Variants in PCDH7 observed in about 807,000 individuals in gnomAD.
PCDH7 encodes the protein protocadherin 7.
PCDH7 carries 17 observed loss-of-function variants against 58.9 expected under a neutral mutation model. That is an observed-to-expected ratio of 0.29 (90% CI 0.20 to 0.43). PCDH7 has a LOEUF of 0.43. Among genes scored for constraint, PCDH7 ranks in the 20% least tolerant of loss-of-function variants. The pLI, the probability that PCDH7 is intolerant of heterozygous loss-of-function variation, is 1.00. For synonymous variants in PCDH7, 664 were observed against 616.4 expected (o/e 1.08, Z -1.14); for missense variants, 1,274 against 1,441.0 (o/e 0.88, Z 1.88).
chr4:30,755,940 G>T (rs534358190), intron 1 of PCDH7, among the ~76,000 whole-genome samples: 10 of 152,162 alleles, frequency 6.6e-5, no homozygotes, highest in African/African-American at 1.9e-4. Flanking sequence ...TTAGCTGGGT[G>T]TGGTGGCGTG....
chr4:30,894,155 A>G (rs1738983394), intron 1 of PCDH7, among the ~76,000 whole-genome samples: 4 of 152,078 alleles, frequency 2.6e-5, no homozygotes, highest in Admixed American at 2.6e-4. Context: ...ATCTCCAGTG[A>G]AACTGTGGGA....
At chr4:30,753,212 A>G (rs1718803474) in intron 1 of PCDH7, among the ~76,000 whole-genome samples, 4 of 152,200 alleles carry the variant, frequency 2.6e-5, no homozygotes, top group Non-Finnish European at 1.5e-5. Context: ...TAACTTCTCC[A>G]TACAGAGTCT....
intron 3 of PCDH7, among the ~76,000 whole-genome samples, chr4:31,079,990 C>G (rs138552870): frequency 2.6e-5 from 4 of 152,010 alleles, no homozygotes; most frequent in Middle Eastern, 3.2e-3. Context: ...TAAGAAGTGC[C>G]GCAACCTCTC....
chr4:30,942,239 T>C (rs1746129956), intron 2 of PCDH7, among the ~76,000 whole-genome samples: 3 of 152,140 alleles, frequency 2.0e-5, no homozygotes, highest in Middle Eastern at 3.4e-3. Flanking sequence ...ATATTTTATT[T>C]ATTTTTTGCT....
At chr4:31,132,565 A>G (rs1227081139) in intron 3 of PCDH7, among the ~76,000 whole-genome samples, 1 of 152,170 alleles carries the variant, frequency 6.6e-6, no homozygotes, top group Non-Finnish European at 1.5e-5. Context: ...TTACCTAGTT[A>G]TGATGTAAAA....
intron 1 of PCDH7, among the ~76,000 whole-genome samples, chr4:30,772,814 T>G (rs1028755133): frequency 1.3e-5 from 2 of 152,258 alleles, no homozygotes; most frequent in Non-Finnish European, 2.9e-5. Context: ...CTGTAAGTTT[T>G]TAGAAAGTGT....
intron 3 of PCDH7, among the ~76,000 whole-genome samples, chr4:30,956,988 A>G (rs935414127): frequency 1.3e-5 from 2 of 152,212 alleles, no homozygotes; most frequent in Non-Finnish European, 2.9e-5. Flanking sequence ...AAAGCTTGAC[A>G]TTACAAATAT....
At chr4:30,975,143 TTGTGTGTG>T (rs35675648) in intron 3 of PCDH7, among the ~76,000 whole-genome samples, 2,588 of 138,818 alleles carry the variant, frequency 0.019, 74 homozygotes, top group Admixed American at 0.065. Context: ...TTCCCTTTCA[TTGTGTGTG>T]TGTGTGTGTG....
At chr4:31,070,735 A>G (rs1484007095) in intron 3 of PCDH7, among the ~76,000 whole-genome samples, 3 of 152,120 alleles carry the variant, frequency 2.0e-5, no homozygotes, top group African/African-American at 4.8e-5. Flanking sequence ...GACTATAACA[A>G]CATTCATAAA....
chr4:30,823,938 C>T (rs180985107), intron 1 of PCDH7, among the ~76,000 whole-genome samples: 65 of 152,082 alleles, frequency 4.3e-4, no homozygotes, highest in African/African-American at 1.5e-3. Context: ...CCTTTTATTC[C>T]TCATCAAATT....
At chr4:30,795,943 GA>G (rs1330133253) in intron 1 of PCDH7, among the ~76,000 whole-genome samples, 4 of 151,998 alleles carry the variant, frequency 2.6e-5, no homozygotes, top group African/African-American at 9.7e-5. Context: ...AACAAACACC[GA>G]AAAAATATGT....
chr4:30,768,841 G>A (rs956168343), intron 1 of PCDH7, among the ~76,000 whole-genome samples: 3 of 152,166 alleles, frequency 2.0e-5, no homozygotes, highest in African/African-American at 7.2e-5. Context: ...GATGCTATTT[G>A]TAGTGAAAAC....
intron 3 of PCDH7, among the ~76,000 whole-genome samples, chr4:30,951,456 A>G (rs4485782): frequency 6.6e-6 from 1 of 152,008 alleles, no homozygotes; most frequent in Admixed American, 6.6e-5. Flanking sequence ...CCTTGCCTTT[A>G]TATTTTGTTT....
At chr4:30,878,379 G>C (rs1177881322) in intron 1 of PCDH7, among the ~76,000 whole-genome samples, 1 of 152,114 alleles carries the variant, frequency 6.6e-6, no homozygotes, top group African/African-American at 2.4e-5. Context: ...TACCTAGGTG[G>C]AAGGAAGGTT....
At chr4:30,831,025 T>G (rs1185682167) in intron 1 of PCDH7, among the ~76,000 whole-genome samples, 1 of 152,118 alleles carries the variant, frequency 6.6e-6, no homozygotes, top group East Asian at 1.9e-4. Context: ...AATAATTTTC[T>G]GAAAGTATGG....
chr4:31,015,551 TA>T (rs1161245875), intron 3 of PCDH7, among the ~76,000 whole-genome samples: 1 of 152,168 alleles, frequency 6.6e-6, no homozygotes, highest in Non-Finnish European at 1.5e-5. Flanking sequence ...GCACCTCCAT[TA>T]AGGCCCAGTA....
At chr4:31,061,026 G>C (rs1362584575) in intron 3 of PCDH7, among the ~76,000 whole-genome samples, 1 of 151,628 alleles carries the variant, frequency 6.6e-6, no homozygotes, top group East Asian at 1.9e-4. Flanking sequence ...AGATCTCTTG[G>C]AATCCAGGTT....
At chr4:31,056,280 A>G (rs1757155451) in intron 3 of PCDH7, among the ~76,000 whole-genome samples, 1 of 151,726 alleles carries the variant, frequency 6.6e-6, no homozygotes. Flanking sequence ...AGGATGTAGG[A>G]TCATTTGAGC....
intron 1 of PCDH7, among the ~76,000 whole-genome samples, chr4:30,808,661 C>A (rs997135834): frequency 3.9e-5 from 6 of 152,056 alleles, no homozygotes; most frequent in African/African-American, 1.4e-4. Context: ...CAGATAAAAA[C>A]AAATTGTAGA....
Sources: allele counts gnomAD v4.1 joint callset (sites outside exome capture counted in the v4.1 genomes callset), GRCh38; gene constraint gnomAD v4.1.1; transcripts MANE v1.5; gene names NCBI Gene and HGNC (gene_info 2026-07-23, HGNC 2026-07-21).